The following SCD5 variants were observed in gnomAD, a reference collection of about 807,000 sequenced individuals.
The protein encoded by SCD5 is stearoyl-CoA desaturase 5.
In SCD5, 20 loss-of-function variants were observed where a neutral mutation model predicts 30.4. The observed-to-expected ratio is 0.66, with a 90% CI of 0.46 to 0.96. The LOEUF (loss-of-function observed/expected upper bound fraction) is 0.96. SCD5 is among the 40% of genes least tolerant of loss of function. SCD5 has a pLI of 0.00. For missense variants in SCD5, 381 were observed against 443.3 expected (o/e 0.86, Z 1.26); for synonymous variants, 173 against 176.4 (o/e 0.98, Z 0.16).
intron 1 of SCD5, among the ~76,000 whole-genome samples, chr4:82,750,086 G>A (rs970142661): frequency 2.0e-5 from 3 of 152,212 alleles, no homozygotes; most frequent in African/African-American, 7.2e-5. Flanking sequence ...GTGAACAATT[G>A]TAGTGGGGAT....
intron 3 of SCD5, 64 bp from the exon 4 acceptor site, chr4:82,636,887 A>C: frequency 7.2e-7 from 1 of 1,389,526 alleles, no homozygotes; most frequent in Non-Finnish European, 9.8e-7. Flanking sequence ...GGGCTGAGCA[A>C]GTCACAGGAA....
intron 1 of SCD5, among the ~76,000 whole-genome samples, chr4:82,787,129 T>C (rs145951357): frequency 1.2e-3 from 181 of 152,316 alleles, no homozygotes; most frequent in African/African-American, 4.0e-3. Context: ...TTATAAATGC[T>C]CCCTTTTGAA....
chr4:82,710,731 GT>G (rs1330675613), intron 1 of SCD5, among the ~76,000 whole-genome samples: 1 of 148,712 alleles, frequency 6.7e-6, no homozygotes, highest in Non-Finnish European at 1.5e-5. Context: ...ATTAGTGACT[GT>G]TTCTCCTCTC....
chr4:82,768,115 A>G (rs1053359483), intron 1 of SCD5, among the ~76,000 whole-genome samples: 1 of 152,258 alleles, frequency 6.6e-6, no homozygotes, highest in Non-Finnish European at 1.5e-5. Context: ...TTCATTACAT[A>G]TCAGATACTC....
chr4:82,665,065 T>C (rs1354178665), intron 3 of SCD5, among the ~76,000 whole-genome samples: 8 of 15,364 alleles, frequency 5.2e-4, no homozygotes, highest in African/African-American at 5.1e-3. Flanking sequence ...CACACACATA[T>C]ATATATATAT....
In SCD5 at chr4:82,660,787, C is replaced by T. The variant is rs73829957; in HGVS notation, c.569+19920G>A. On this transcript the variant is annotated intron_variant, in intron 3 of 4. Coordinates refer to ENST00000319540, the MANE Select transcript of SCD5 (RefSeq NM_001037582.3). Reference sequence around the variant, plus strand: ...ACTGCAGCTCTGTCTATGCTTCACACCGTTAAAAAAGGCCTGGGTGTGGAG... The same window carrying T: ...ACTGCAGCTCTGTCTATGCTTCACATCGTTAAAAAAGGCCTGGGTGTGGAG... 3,542 of 1,596,452 alleles carry T rather than the reference C, an allele frequency of 2.2e-3. 79 individuals are homozygous for T. The African/African-American group carries it at 0.043, about 19-fold the overall frequency.
At chr4:82,728,413 CT>C (rs1312064110) in intron 1 of SCD5, among the ~76,000 whole-genome samples, 2 of 152,116 alleles carry the variant, frequency 1.3e-5, no homozygotes, top group Non-Finnish European at 2.9e-5. Context: ...TGAGAGGGGC[CT>C]CAATTCTGAT....
intron 3 of SCD5, among the ~76,000 whole-genome samples, chr4:82,661,603 A>G (rs528777422): frequency 6.6e-6 from 1 of 152,372 alleles, no homozygotes; most frequent in East Asian, 1.9e-4. Context: ...GACAGCAAAA[A>G]TAATGGATGT....
At chr4:82,701,075 A>G (rs1483296347) in intron 2 of SCD5, among the ~76,000 whole-genome samples, 2 of 152,216 alleles carry the variant, frequency 1.3e-5, no homozygotes, top group Non-Finnish European at 2.9e-5. Flanking sequence ...AATGACAACA[A>G]TGTCGTAAAA....
At chr4:82,679,617 G>A (rs1304615375) in intron 3 of SCD5, among the ~76,000 whole-genome samples, 2 of 151,958 alleles carry the variant, frequency 1.3e-5, no homozygotes, top group Non-Finnish European at 2.9e-5. Flanking sequence ...AGATGAAGCT[G>A]AGACTTAGAG....
intron 1 of SCD5, among the ~76,000 whole-genome samples, chr4:82,783,294 T>C (rs1446281804): frequency 1.3e-5 from 2 of 152,202 alleles, no homozygotes; most frequent in Admixed American, 1.3e-4. Flanking sequence ...AAGTTTTCCA[T>C]GGACAATGTA....
At chr4:82,722,222 T>G (rs1720382961) in intron 1 of SCD5, among the ~76,000 whole-genome samples, 2 of 152,242 alleles carry the variant, frequency 1.3e-5, no homozygotes, top group African/African-American at 4.8e-5. Context: ...CTTTCCTTTA[T>G]ATCCTCTTAA....
In SCD5 at chr4:82,680,799, C is replaced by T. The variant is rs1728553289; in HGVS notation, c.477G>A (p.Leu159=). 5 of 1,613,936 alleles carry T rather than the reference C, an allele frequency of 3.1e-6. No homozygotes were observed. The highest frequency in any genetic ancestry group is 4.2e-6 in the Non-Finnish European group (5 of 1,180,016). ...TAACATCTCGATGCTTGCGAACAAACAGCCACCCAATATGGGAGAAGAAGA... is the reference window on the plus strand; with the variant it reads ...TAACATCTCGATGCTTGCGAACAAATAGCCACCCAATATGGGAGAAGAAGA... ...RGFFFSHIGW[L]FVRKHRDVIE... Residue 159 remains leucine (L), a synonymous_variant, in exon 3 of 5, where the codon CTG becomes CTA. Coordinates refer to ENST00000319540, the MANE Select transcript of SCD5 (RefSeq NM_001037582.3).
chr4:82,726,418 A>C (rs1578040020), intron 1 of SCD5, among the ~76,000 whole-genome samples: 2 of 32,674 alleles, frequency 6.1e-5, no homozygotes, highest in East Asian at 1.7e-3. Context: ...ACTCTGTCTC[A>C]AAAAAAAAAA....
Position 82,724,824 on chromosome 4 carries a change from A to G in SCD5, c.233-19411T>C, listed in dbSNP as rs180999988. On this transcript the variant is annotated intron_variant, in intron 1 of 4. Coordinates refer to ENST00000319540, the MANE Select transcript of SCD5 (RefSeq NM_001037582.3). ...GTGAGCAGTGGGGCTTGCTAGTGGCAGCAGGAAGATACGAACCTAGACATT... is the reference window on the plus strand; with the variant it reads ...GTGAGCAGTGGGGCTTGCTAGTGGCGGCAGGAAGATACGAACCTAGACATT... 3.9e-3 allele frequency among the ~76,000 whole-genome samples: 591 copies of G among 152,348 alleles called. 5 individuals carry two copies. The highest frequency in any genetic ancestry group is 0.013 in the African/African-American group (550 of 41,576).
intron 3 of SCD5, among the ~76,000 whole-genome samples, chr4:82,664,026 T>A (rs1355531405): frequency 1.3e-5 from 2 of 152,164 alleles, no homozygotes; most frequent in African/African-American, 2.4e-5. Flanking sequence ...TCTACTCTTA[T>A]AAACAGCCAT....
chr4:82,751,493 A>G (rs1038549416), intron 1 of SCD5, among the ~76,000 whole-genome samples: 34 of 152,370 alleles, frequency 2.2e-4, no homozygotes, highest in African/African-American at 7.9e-4. Flanking sequence ...CTTAGGACTG[A>G]GAAAAGCCAA....
At chr4:82,712,316 T>TA (rs201444634) in intron 1 of SCD5, among the ~76,000 whole-genome samples, 30,711 of 62,904 alleles carry the variant, frequency 0.49, 11,326 homozygotes, top group Non-Finnish European at 0.64. Flanking sequence ...TATTTTATTT[T>TA]TTTTTTTTGA....
At position 82,759,063 on chromosome 4, in the gene SCD5, C is replaced by G. The variant is rs113277356; in HGVS notation, c.232+39243G>C. Among the ~76,000 whole-genome samples, 19 of 152,388 alleles carry G rather than the reference C, an allele frequency of 1.2e-4. 1 individual carries two copies. The highest frequency in any genetic ancestry group is 4.6e-4 in the African/African-American group (19 of 41,598). ...TCTTCAGCTCCCGGCCATCTCGGGT[C>G]AGAACGCATCACGGTTCCTTTCCTC... On this transcript the variant is annotated intron_variant, in intron 1 of 4. Transcript: ENST00000319540.
Sources: gnomAD v4.1 joint callset for allele counts (sites outside exome capture counted in the v4.1 genomes callset) on GRCh38, gnomAD v4.1.1 for gene constraint, MANE v1.5 for transcripts, NCBI Gene and HGNC (gene_info 2026-07-23, HGNC 2026-07-21) for gene names.